Variants in KIAA1217 observed in about 807,000 individuals in gnomAD.
The protein encoded by KIAA1217 is sickle tail protein homolog.
A neutral mutation model predicts 163.9 loss-of-function variants in KIAA1217; 88 were observed. That is an observed-to-expected ratio of 0.54 (90% CI 0.45 to 0.64). The LOEUF (loss-of-function observed/expected upper bound fraction) is 0.64, where lower values mean the gene tolerates loss of function less well. Among genes scored for constraint, KIAA1217 ranks in the 30% least tolerant of loss-of-function variants. The pLI is 0.00. For synonymous variants in KIAA1217, 903 were observed against 923.1 expected, an observed-to-expected ratio of 0.98 and a Z score of 0.39; for missense variants, 2,372 against 2,475.0, an observed-to-expected ratio of 0.96 and a Z score of 0.88.
intron 2 of KIAA1217, among the ~76,000 whole-genome samples, chr10:24,034,562 CAAAA>C (rs773055132): frequency 2.7e-5 from 3 of 110,260 alleles, no homozygotes; most frequent in Non-Finnish European, 3.5e-5. Flanking sequence ...GACCCTGTCT[CAAAA>C]AAAAAAAAAA....
chr10:23,728,572 A>G (rs1436328936), intron 1 of KIAA1217, among the ~76,000 whole-genome samples: 1 of 151,630 alleles, frequency 6.6e-6, no homozygotes, highest in Non-Finnish European at 1.5e-5. Flanking sequence ...CCTTTGTCAG[A>G]TGGATAGATT....
chr10:24,096,735 A>G (rs978427784), intron 2 of KIAA1217, among the ~76,000 whole-genome samples: 1 of 152,106 alleles, frequency 6.6e-6, no homozygotes, highest in Non-Finnish European at 1.5e-5. Context: ...CTCAGGCCTC[A>G]GCTGAAATGC....
chr10:23,704,627 G>T (rs1259436378), intron 1 of KIAA1217, among the ~76,000 whole-genome samples: 1 of 152,126 alleles, frequency 6.6e-6, no homozygotes, highest in African/African-American at 2.4e-5. Flanking sequence ...GTTGTTGCAT[G>T]TGTCATTAAT....
chr10:23,764,813 TG>T (rs1834430219), intron 1 of KIAA1217, among the ~76,000 whole-genome samples: 1 of 150,720 alleles, frequency 6.6e-6, no homozygotes, highest in Non-Finnish European at 1.5e-5. Flanking sequence ...GCCTGAGGGG[TG>T]GGAACTTGGA....
chr10:24,127,934 A>AT (rs1375870787), intron 2 of KIAA1217, among the ~76,000 whole-genome samples: 1 of 152,230 alleles, frequency 6.6e-6, no homozygotes, highest in Non-Finnish European at 1.5e-5. Context: ...CACAATTGGA[A>AT]TAAAAACAAA....
chr10:24,255,522 G>C (rs1385069209), intron 2 of KIAA1217: 2 of 455,832 alleles, frequency 4.4e-6, no homozygotes, highest in South Asian at 1.6e-5. Flanking sequence ...CCCTTCTGTA[G>C]AAGGGCCAAA....
chr10:23,990,695 T>C (rs761547994), intron 1 of KIAA1217, among the ~76,000 whole-genome samples: 1 of 152,200 alleles, frequency 6.6e-6, no homozygotes, highest in Non-Finnish European at 1.5e-5. Flanking sequence ...TAAATTACTA[T>C]AGGAAGAGCA....
At chr10:23,852,148 G>A (rs1839375703) in intron 1 of KIAA1217, among the ~76,000 whole-genome samples, 1 of 152,062 alleles carries the variant, frequency 6.6e-6, no homozygotes, top group Non-Finnish European at 1.5e-5. Context: ...ATGGTTTTAG[G>A]TCTAAAGTTT....
chr10:24,241,213 C>T (rs985271992), intron 2 of KIAA1217, among the ~76,000 whole-genome samples: 6 of 151,996 alleles, frequency 3.9e-5, no homozygotes, highest in Admixed American at 2.0e-4. Flanking sequence ...CTGGGAAATA[C>T]GACATAATAA....
chr10:23,987,535 T>C (rs959182305), intron 1 of KIAA1217, among the ~76,000 whole-genome samples: 6 of 152,120 alleles, frequency 3.9e-5, no homozygotes, highest in Non-Finnish European at 7.4e-5. Flanking sequence ...GTACAACTTG[T>C]TTTGAAAAAA....
At chr10:24,434,762 C>G (rs1198274714) in intron 4 of KIAA1217, among the ~76,000 whole-genome samples, 1 of 152,234 alleles carries the variant, frequency 6.6e-6, no homozygotes, top group Non-Finnish European at 1.5e-5. Flanking sequence ...CTAGTATGGT[C>G]TCTAAACATT....
chr10:24,104,037 A>G (rs1238108255), intron 2 of KIAA1217, among the ~76,000 whole-genome samples: 2 of 151,962 alleles, frequency 1.3e-5, no homozygotes, highest in Non-Finnish European at 1.5e-5. Flanking sequence ...ATCCCCACAC[A>G]TTGTGGGGAT....
intron 2 of KIAA1217, among the ~76,000 whole-genome samples, chr10:24,012,615 C>T (rs1731159126): frequency 6.6e-6 from 1 of 152,148 alleles, no homozygotes; most frequent in Non-Finnish European, 1.5e-5. Flanking sequence ...TTCCCCTAAA[C>T]ACAATACTGA....
intron 2 of KIAA1217, among the ~76,000 whole-genome samples, chr10:24,228,568 C>G (rs1433757689): frequency 6.6e-6 from 1 of 152,142 alleles, no homozygotes; most frequent in Non-Finnish European, 1.5e-5. Context: ...CATGCCATCT[C>G]AACACATGGA....
intron 9 of KIAA1217, among the ~76,000 whole-genome samples, chr10:24,503,102 C>G (rs545465639): frequency 6.6e-6 from 1 of 152,286 alleles, no homozygotes; most frequent in Admixed American, 6.5e-5. Context: ...TTCAGCACAG[C>G]GACAGCACAA....
chr10:24,498,940 G>T (rs1400213905), intron 8 of KIAA1217, among the ~76,000 whole-genome samples: 1 of 152,204 alleles, frequency 6.6e-6, no homozygotes, highest in Non-Finnish European at 1.5e-5. Context: ...GAGGTACCTT[G>T]GTGGCCTCAG....
intron 1 of KIAA1217, among the ~76,000 whole-genome samples, chr10:23,979,842 T>G (rs1845692087): frequency 6.6e-6 from 1 of 152,212 alleles, no homozygotes; most frequent in African/African-American, 2.4e-5. Flanking sequence ...CTGATTTCAA[T>G]TGATTTTCTT....
intron 2 of KIAA1217, among the ~76,000 whole-genome samples, chr10:24,246,494 G>A (rs1298995043): frequency 6.6e-6 from 1 of 152,148 alleles, no homozygotes; most frequent in Non-Finnish European, 1.5e-5. Flanking sequence ...TATGAATGTT[G>A]CAGGGGATAT....
At chr10:24,481,781 AC>A (rs930113345) in intron 6 of KIAA1217, 27 of 152,218 alleles carry the variant, frequency 1.8e-4, no homozygotes, top group African/African-American at 5.3e-4. Context: ...AGAAAAGGGA[AC>A]ATTTTCCCAA....
Sources: allele counts gnomAD v4.1 joint callset (sites outside exome capture counted in the v4.1 genomes callset), GRCh38; gene constraint gnomAD v4.1.1; transcripts MANE v1.5; gene names NCBI Gene and HGNC (gene_info 2026-07-23, HGNC 2026-07-21).